AJM1: variants seen among roughly 807,000 people sequenced by gnomAD.
AJM1 encodes the protein apical junction component 1 homolog, also known as uncharacterized protein C9orf172.
In AJM1, 22 loss-of-function variants were observed where a neutral mutation model predicts 43.0. The ratio of observed to expected loss-of-function variants is 0.51; its 90% CI spans 0.37 to 0.73. The LOEUF (loss-of-function observed/expected upper bound fraction) is 0.73, where lower values mean the gene tolerates loss of function less well. Ranked by LOEUF, AJM1 falls within the 30% of genes least tolerant of loss-of-function variation. The pLI is 0.00. For missense variants in AJM1, 1,305 were observed against 1,343.3 expected, an observed-to-expected ratio of 0.97 and a Z score of 0.45; for synonymous variants, 719 against 638.3, an observed-to-expected ratio of 1.13 and a Z score of -1.91.
In AJM1 at chr9:136,847,303, C is replaced by G. The variant is rs756872219; in HGVS notation, c.2889C>G (p.Leu963=). 9.6e-5 allele frequency: 148 copies of G among 1,544,262 alleles called. No individual in the cohort carries two copies. Among genetic ancestry groups the G allele is most frequent in the Middle Eastern group, 3.3e-4 (2 of 6,004 alleles). ...TGGCCGCCTCCGAGCCGCGCGCGCT[C>G]GACTGGGTGGCCAGCGCCAACCTGC... The part of the protein sequence containing the change: ...MIMAASEPRA[L]DWVASANLLD... Residue 963 remains leucine, a synonymous_variant, in exon 3 of 3, where the codon CTC becomes CTG. Coordinates refer to ENST00000436881, the MANE Select transcript of AJM1 (RefSeq NM_001080482.5).
rs193267457 is a variant in AJM1, at chr9:136,843,947, A to C, written c.-143-249A>C. On this transcript the variant is annotated intron_variant, in intron 1 of 2. Transcript: ENST00000436881. The stretch of plus-strand genomic sequence containing the variant: ...GGCCCAAATGCGGCCCGTCCTTCCA[A>C]CTGCGGACACCAGAGGGCGCAGCCC... Among the ~76,000 whole-genome samples the C allele has an allele frequency of 3.3e-5, 5 of 152,214 alleles. No individual in the cohort carries two copies. In the East Asian group the frequency reaches 9.7e-4, roughly 29 times the overall value.
At position 136,844,269 on chromosome 9, in the gene AJM1, C is replaced by T. The variant is rs1848737049; in HGVS notation, c.-70C>T. 1 of 693,442 alleles carries T rather than the reference C, an allele frequency of 1.4e-6. No homozygotes were observed. The highest frequency in any genetic ancestry group is 2.5e-6 in the Non-Finnish European group (1 of 405,192). 43.0% of individuals were successfully genotyped at this position (693,442 alleles called of 1,614,324 possible). A position where few individuals can be genotyped will look rare whatever the true frequency, so the allele number is the denominator to read the frequency against. ...CCCGCAGCCAGGGCTGCTCCGCCCG[C>T]TGCGCCCCAGGTAAGCCGGGCCAGC... On this transcript the variant is annotated 5_prime_UTR_variant, in exon 2 of 3. Coordinates refer to ENST00000436881, the MANE Select transcript of AJM1 (RefSeq NM_001080482.5).
In AJM1 at chr9:136,846,186, C is replaced by A; in HGVS notation, c.1772C>A (p.Ser591Ter). 2 of 1,512,534 alleles carry A rather than the reference C, an allele frequency of 1.3e-6. No homozygotes were observed. The highest frequency in any genetic ancestry group is 8.8e-7 in the Non-Finnish European group (1 of 1,137,956). The allele number at this position is 1,512,534 out of a possible 1,614,324, so 93.7% of individuals were successfully genotyped here. A position where few individuals can be genotyped will look rare whatever the true frequency, so the allele number is the denominator to read the frequency against. Residue 591 changes from serine (S) to a stop codon, truncating the protein, a stop_gained, in exon 3 of 3, where the codon TCG (serine) becomes TAG (stop). Coordinates refer to ENST00000436881, the MANE Select transcript of AJM1 (RefSeq NM_001080482.5). LOFTEE classifies it high-confidence loss of function. ...CTCATCACGGACCTGGTCATCGACT[C>A]GCGACCCACCGCCGGCCAGGCCTCA... The part of the protein sequence containing the change: ...DELITDLVID[S>*]RPTAGQASEP...
Position 136,846,891 on chromosome 9 carries a change from CA to C in AJM1, c.2478del (p.Pro827ArgfsTer24). The C allele has an allele frequency of 6.6e-7, 1 of 1,517,804 alleles. No homozygotes were observed. Among genetic ancestry groups the C allele is most frequent in the South Asian group, 1.2e-5 (1 of 82,136 alleles). The allele number at this position is 1,517,804 out of a possible 1,614,324, so 94.0% of individuals were successfully genotyped here. A position where few individuals can be genotyped will look rare whatever the true frequency, so the allele number is the denominator to read the frequency against. Reference protein sequence around the residue: ...VSVAVGPGTAPPGTPALPAPA... With the variant: ...VSVAVGPGTAXPGTPALPAPA... ...GTGGCCGTGGGACCCGGCACCGCGC[CA>C]CCGGGGACACCGGCCCTGCCCGCGC... On this transcript the variant is annotated frameshift_variant, in exon 3 of 3. Coordinates refer to ENST00000436881, the MANE Select transcript of AJM1 (RefSeq NM_001080482.5). LOFTEE classifies it high-confidence loss of function.
Position 136,844,397 on chromosome 9 carries a change from C to T in AJM1, c.-18C>T. On this transcript the variant is annotated 5_prime_UTR_variant, in exon 3 of 3. Transcript: ENST00000436881. Reference sequence around the variant, plus strand: ...GGCAGTGTGAGCTGGAGCCGCCAGCCTGGGGACCTCTTTTAAGATGACCCG... The same window carrying T: ...GGCAGTGTGAGCTGGAGCCGCCAGCTTGGGGACCTCTTTTAAGATGACCCG... The T allele has an allele frequency of 6.2e-7, 1 of 1,601,046 alleles. No homozygotes were observed. The highest frequency in any genetic ancestry group is 8.5e-7 in the Non-Finnish European group (1 of 1,171,030).
In AJM1 at chr9:136,846,187, G is replaced by A. The variant is rs1457477809; in HGVS notation, c.1773G>A (p.Ser591=). Residue 591 remains serine, a synonymous_variant, in exon 3 of 3, where the codon TCG becomes TCA. Transcript: ENST00000436881. The stretch of plus-strand genomic sequence containing the variant: ...TCATCACGGACCTGGTCATCGACTC[G>A]CGACCCACCGCCGGCCAGGCCTCAG... ...DELITDLVID[S]RPTAGQASEP... 43 of 1,512,342 alleles carry A rather than the reference G, an allele frequency of 2.8e-5. No homozygotes were observed. Among genetic ancestry groups the A allele is most frequent in the Non-Finnish European group, 3.5e-5 (40 of 1,137,944 alleles). 93.7% of individuals were successfully genotyped at this position (1,512,342 alleles called of 1,614,324 possible). A position where few individuals can be genotyped will look rare whatever the true frequency, so the allele number is the denominator to read the frequency against.
In AJM1 at chr9:136,844,477, G is replaced by C. The variant is rs373541239; in HGVS notation, c.63G>C (p.Ala21=). 10 of 1,611,314 alleles carry C rather than the reference G, an allele frequency of 6.2e-6. No homozygotes were observed. Among genetic ancestry groups the C allele is most frequent in the South Asian group, 1.1e-5 (1 of 90,940 alleles). ...VSTVYQDIKV[A]TPGPASKCSP... is the part of the protein sequence containing the mutation. Reference sequence around the variant, plus strand: ...CCGTGTACCAGGACATCAAGGTGGCGACCCCGGGACCCGCGTCCAAGTGCT... The same window carrying C: ...CCGTGTACCAGGACATCAAGGTGGCCACCCCGGGACCCGCGTCCAAGTGCT... Residue 21 remains alanine (A), a synonymous_variant, in exon 3 of 3, where the codon GCG becomes GCC. Transcript: ENST00000436881.
chr9:136,846,886 C>G lies in AJM1; in HGVS notation c.2472C>G (p.Thr824=). ...TGTCCGTGGCCGTGGGACCCGGCAC[C>G]GCGCCACCGGGGACACCGGCCCTGC... ...LSVSVAVGPG[T]APPGTPALPA... Residue 824 remains threonine, a synonymous_variant, in exon 3 of 3, where the codon ACC becomes ACG. Coordinates refer to ENST00000436881, the MANE Select transcript of AJM1 (RefSeq NM_001080482.5). 1 of 1,533,282 alleles carries G rather than the reference C, an allele frequency of 6.5e-7. No homozygotes were observed. Among genetic ancestry groups the G allele is most frequent in the Non-Finnish European group, 8.7e-7 (1 of 1,148,896 alleles). 95.0% of individuals were successfully genotyped at this position (1,533,282 alleles called of 1,614,324 possible). A position where few individuals can be genotyped will look rare whatever the true frequency, so the allele number is the denominator to read the frequency against.
chr9:136,847,474 C>G lies in AJM1; in HGVS notation c.*129C>G. The G allele has an allele frequency of 1.4e-6, 1 of 704,648 alleles. No homozygotes were observed. The highest frequency in any genetic ancestry group is 2.2e-6 in the Non-Finnish European group (1 of 464,894). The allele number at this position is 704,648 out of a possible 1,614,324, so 43.6% of individuals were successfully genotyped here. Reference sequence around the variant, plus strand: ...GCCCCACCCCGACTTCTTCTAGGCCCCGCCTCTAATTCCCCAGCCTTCCAA... The same window carrying G: ...GCCCCACCCCGACTTCTTCTAGGCCGCGCCTCTAATTCCCCAGCCTTCCAA... On this transcript the variant is annotated 3_prime_UTR_variant, in exon 3 of 3. Coordinates refer to ENST00000436881, the MANE Select transcript of AJM1 (RefSeq NM_001080482.5).
At position 136,842,607 on chromosome 9, in the gene AJM1, G is replaced by A. The variant is rs1333396030; in HGVS notation, c.-144+18G>A. On this transcript the variant is annotated intron_variant, in intron 1 of 2. Transcript: ENST00000436881. ...GCACCCAGGTAAGGGGCTAGGGGCC[G>A]AGTTGCTGAGTGTGTCACCGTCATG... 4.6e-5 allele frequency among the ~76,000 whole-genome samples: 7 copies of A among 152,336 alleles called. No homozygotes were observed. The highest frequency in any genetic ancestry group is 2.1e-4 in the South Asian group (1 of 4,834).
Position 136,847,154 on chromosome 9 carries a change from C to T in AJM1, c.2740C>T (p.Arg914Cys). 1 of 1,600,238 alleles carries T rather than the reference C, an allele frequency of 6.2e-7. No individual in the cohort carries two copies. The highest frequency in any genetic ancestry group is 8.5e-7 in the Non-Finnish European group (1 of 1,178,430). The stretch of plus-strand genomic sequence containing the variant: ...GCTGCGGCTGCGCGGCGTCTTCCTG[C>T]GCCACGAGTTCCCGCGCGTCTACGA... ...RELRLRGVFL[R>C]HEFPRVYEQL... Residue 914 changes from arginine to cysteine, a missense_variant, in exon 3 of 3, where the codon CGC becomes TGC. By Grantham distance (180) the Arg-to-Cys change is radical. Around this residue, in one of 6 missense-constraint regions of AJM1, gnomAD observed 116 missense variants for 113.4 expected, o/e 1.02. Transcript: ENST00000436881.
Position 136,845,893 on chromosome 9 carries a change from C to G in AJM1, c.1479C>G (p.Val493=). The G allele has an allele frequency of 6.4e-7, 1 of 1,558,570 alleles. No homozygotes were observed. Among genetic ancestry groups the G allele is most frequent in the Non-Finnish European group, 8.7e-7 (1 of 1,152,808 alleles). ...VSPEGRRPPV[V]VNLSTSPRRY... Reference sequence around the variant, plus strand: ...CCGAAGGCCGGCGCCCGCCCGTCGTCGTGAACCTGTCCACCTCTCCCAGAC... The same window carrying G: ...CCGAAGGCCGGCGCCCGCCCGTCGTGGTGAACCTGTCCACCTCTCCCAGAC... The change falls in exon 3 of 3, where the codon GTC becomes GTG. Residue 493 remains valine (V), a synonymous_variant. Coordinates refer to ENST00000436881, the MANE Select transcript of AJM1 (RefSeq NM_001080482.5).
rs1320797651 is a variant in AJM1, at chr9:136,844,888, C to T, written c.474C>T (p.Pro158=). ...PIKLQPQRGG[P]GRVAPLCAAA... is the part of the protein sequence containing the mutation. ...AGTTGCAGCCGCAGCGGGGCGGCCC[C>T]GGCCGCGTCGCGCCCCTGTGCGCCG... Residue 158 remains proline (P), a synonymous_variant, in exon 3 of 3, where the codon CCC becomes CCT. Transcript: ENST00000436881. 5 of 234,722 alleles carry T rather than the reference C, an allele frequency of 2.1e-5. No homozygotes were observed. The highest frequency in any genetic ancestry group is 5.6e-5 in the Admixed American group (1 of 17,736). 14.5% of individuals were successfully genotyped at this position (234,722 alleles called of 1,614,324 possible). A position where few individuals can be genotyped will look rare whatever the true frequency, so the allele number is the denominator to read the frequency against.
chr9:136,847,414 C>T lies in AJM1; in HGVS notation c.*69C>T. 2.3e-6 allele frequency: 3 copies of T among 1,296,302 alleles called. No individual in the cohort carries two copies. Among genetic ancestry groups the T allele is most frequent in the Non-Finnish European group, 2.0e-6 (2 of 995,284 alleles). 80.3% of individuals were successfully genotyped at this position (1,296,302 alleles called of 1,614,324 possible). A position where few individuals can be genotyped will look rare whatever the true frequency, so the allele number is the denominator to read the frequency against. On this transcript the variant is annotated 3_prime_UTR_variant, in exon 3 of 3. Coordinates refer to ENST00000436881, the MANE Select transcript of AJM1 (RefSeq NM_001080482.5). Reference sequence around the variant, plus strand: ...CTGCCCTGCCCACTCAGGCCCCGCCCGGCCCACCCAGGGCCGCCCCCGAGC... The same window carrying T: ...CTGCCCTGCCCACTCAGGCCCCGCCTGGCCCACCCAGGGCCGCCCCCGAGC...
Position 136,846,729 on chromosome 9 carries a change from G to A in AJM1, c.2315G>A (p.Gly772Glu). The A allele has an allele frequency of 1.2e-6, 2 of 1,603,102 alleles. No homozygotes were observed. Among genetic ancestry groups the A allele is most frequent in the Non-Finnish European group, 1.7e-6 (2 of 1,178,112 alleles). ...ADNFLRFGLE[G>E]LLLSPTYLSL... ...AACTTCCTGCGCTTTGGCCTGGAGG[G>A]GCTGCTGCTATCCCCCACCTACCTA... The change falls in exon 3 of 3, where the codon GGG (glycine) becomes GAG (glutamate). Residue 772 changes from glycine (G) to glutamate (E), a missense_variant. Physicochemically the swap from Gly to Glu is moderately conservative, Grantham distance 98. Coordinates refer to ENST00000436881, the MANE Select transcript of AJM1 (RefSeq NM_001080482.5).
At chr9:136,843,347 G>A (rs1280721271) in intron 1 of AJM1, among the ~76,000 whole-genome samples, 1 of 152,238 alleles carries the variant, frequency 6.6e-6, no homozygotes, top group East Asian at 1.9e-4. Context: ...CTGCCGCGTG[G>A]GGGCCTAAGA....
In AJM1 at chr9:136,844,835, G is replaced by C. The variant is rs1026096503; in HGVS notation, c.421G>C (p.Ala141Pro). 5.1e-5 allele frequency: 12 copies of C among 236,870 alleles called. No individual in the cohort carries two copies. The highest frequency in any genetic ancestry group is 9.9e-5 in the Non-Finnish European group (12 of 121,034). 14.7% of individuals were successfully genotyped at this position (236,870 alleles called of 1,614,324 possible). A position where few individuals can be genotyped will look rare whatever the true frequency, so the allele number is the denominator to read the frequency against. The change falls in exon 3 of 3, where the codon GCC (alanine) becomes CCC (proline). Residue 141 changes from alanine to proline, a missense_variant. Coordinates refer to ENST00000436881, the MANE Select transcript of AJM1 (RefSeq NM_001080482.5). Reference protein sequence around the residue: ...RREPAYPALRALANELHPIKL... With the variant: ...RREPAYPALRPLANELHPIKL... ...GGAGCCCGCGTACCCGGCGCTCCGC[G>C]CCCTTGCCAACGAGCTGCATCCCAT...
At position 136,846,475 on chromosome 9, in the gene AJM1, C is replaced by T; in HGVS notation, c.2061C>T (p.His687=). The T allele has an allele frequency of 1.9e-6, 3 of 1,593,210 alleles. No individual in the cohort carries two copies. The highest frequency in any genetic ancestry group is 1.1e-5 in the South Asian group (1 of 90,826). Reference sequence around the variant, plus strand: ...CCTGCCTCTACTTCAAGTCCTGCCACAGCTGCTACACCTACTACTGCTCGC... The same window carrying T: ...CCTGCCTCTACTTCAAGTCCTGCCATAGCTGCTACACCTACTACTGCTCGC... The part of the protein sequence containing the change: ...FNACLYFKSC[H]SCYTYYCSRL... Residue 687 remains histidine, a synonymous_variant, in exon 3 of 3, where the codon CAC becomes CAT. Coordinates refer to ENST00000436881, the MANE Select transcript of AJM1 (RefSeq NM_001080482.5).
At position 136,847,070 on chromosome 9, in the gene AJM1, C is replaced by A; in HGVS notation, c.2656C>A (p.Gln886Lys). ...TPPPGTAGLDQDGEAGRRARE... is the reference protein window; with the variant it reads ...TPPPGTAGLDKDGEAGRRARE... Reference sequence around the variant, plus strand: ...ACCGCCGGGCACGGCGGGCCTGGATCAGGACGGCGAGGCGGGCCGGCGCGC... The same window carrying A: ...ACCGCCGGGCACGGCGGGCCTGGATAAGGACGGCGAGGCGGGCCGGCGCGC... The change falls in exon 3 of 3, where the codon CAG becomes AAG. Residue 886 changes from glutamine to lysine, a missense_variant. Coordinates refer to ENST00000436881, the MANE Select transcript of AJM1 (RefSeq NM_001080482.5). 6.9e-7 allele frequency: 1 copy of A among 1,447,926 alleles called. No individual in the cohort carries two copies. The highest frequency in any genetic ancestry group is 9.2e-7 in the Non-Finnish European group (1 of 1,081,832). The allele number at this position is 1,447,926 out of a possible 1,614,324, so 89.7% of individuals were successfully genotyped here.
Sources: gnomAD v4.1 joint callset for allele counts (sites outside exome capture counted in the v4.1 genomes callset) on GRCh38, gnomAD v4.1.1 for gene constraint, gnomAD v4.1.1 regional missense constraint, MANE v1.5 for transcripts, NCBI Gene and HGNC (gene_info 2026-07-23, HGNC 2026-07-21) for gene names.